CAPN1: variants seen among roughly 807,000 people sequenced by gnomAD.
The protein encoded by CAPN1 is calpain 1, also known as calpain-1 catalytic subunit.
Under a neutral mutation model 105.2 loss-of-function variants are expected in CAPN1, and 77 were observed. The observed-to-expected ratio is 0.73, with a 90% CI of 0.61 to 0.88. The LOEUF (loss-of-function observed/expected upper bound fraction) is 0.88, where lower values mean the gene tolerates loss of function less well. CAPN1 is among the 40% of genes least tolerant of loss of function. CAPN1 has a pLI of 0.00. For missense variants in CAPN1, 833 were observed against 976.6 expected, an observed-to-expected ratio of 0.85 and a Z score of 1.96; for synonymous variants, 355 against 388.8, an observed-to-expected ratio of 0.91 and a Z score of 1.02.
chr11:65,183,063 G>A, intron 2 of CAPN1, 65 bp from the exon 3 acceptor site: 1 of 1,609,374 alleles, frequency 6.2e-7, no homozygotes, highest in Non-Finnish European at 8.5e-7. Context: ...AATGGGGTCT[G>A]GGGTGGCCTG....
At position 65,210,490 on chromosome 11, in the gene CAPN1, T is replaced by A; in HGVS notation, c.2059+38T>A. The A allele has an allele frequency of 8.0e-7, 1 of 1,250,014 alleles. No individual in the cohort carries two copies. The highest frequency in any genetic ancestry group is 1.2e-6 in the Non-Finnish European group (1 of 859,020). The allele number at this position is 1,250,014 out of a possible 1,614,324, so 77.4% of individuals were successfully genotyped here. On this transcript the variant is annotated intron_variant, in intron 20 of 21. Transcript: ENST00000279247. The surrounding 1 kb of genome is among the most constrained non-coding windows in gnomAD (Gnocchi z 4.3). Reference sequence around the variant, plus strand: ...AACTGCCTCCCACCCTCCAGCTCCGTCCCAAACGCGTCCCCCAGGAGCTGG... The same window carrying A: ...AACTGCCTCCCACCCTCCAGCTCCGACCCAAACGCGTCCCCCAGGAGCTGG...
chr11:65,195,854 C>G (rs1948786598), intron 10 of CAPN1, among the ~76,000 whole-genome samples: 1 of 152,086 alleles, frequency 6.6e-6, no homozygotes, highest in South Asian at 2.1e-4. Context: ...CCATCTGGTC[C>G]TGGACATTTC....
chr11:65,186,411 C>A, intron 6 of CAPN1, 73 bp downstream of exon 6: 1 of 1,375,392 alleles, frequency 7.3e-7, no homozygotes, highest in Non-Finnish European at 9.9e-7. Flanking sequence ...TTTCTAAAAT[C>A]CCCACCCAGG....
chr11:65,203,206 T>TTTG (rs1948897990), intron 10 of CAPN1, among the ~76,000 whole-genome samples: 2 of 152,206 alleles, frequency 1.3e-5, no homozygotes, highest in African/African-American at 4.8e-5. Flanking sequence ...CTCTTTTTTT[T>TTTG]TTTAAATGGA....
chr11:65,205,692 CCT>C lies in CAPN1; in HGVS notation c.1342-17_1342-16del. 13 of 1,613,470 alleles carry C rather than the reference CCT, an allele frequency of 8.1e-6. No individual in the cohort carries two copies. Among genetic ancestry groups the C allele is most frequent in the Non-Finnish European group, 1.1e-5 (13 of 1,179,472 alleles). On this transcript the variant is annotated splice_polypyrimidine_tract_variant and intron_variant, in intron 11 of 21. Coordinates refer to ENST00000279247, the MANE Select transcript of CAPN1 (RefSeq NM_005186.4). Reference sequence around the variant, plus strand: ...GGACAAACACACATCTCTGACTTCCCCTGTCTCTCTATTGCAGGTCCCTCCGG... The same window carrying C: ...GGACAAACACACATCTCTGACTTCCCGTCTCTCTATTGCAGGTCCCTCCGG...
Position 65,211,457 on chromosome 11 carries a change from G to A in CAPN1, c.*171G>A, listed in dbSNP as rs973829492. 4.0e-5 allele frequency: 27 copies of A among 674,434 alleles called. No homozygotes were observed. The highest frequency in any genetic ancestry group is 8.5e-5 in the South Asian group (5 of 58,914). The allele number at this position is 674,434 out of a possible 1,614,324, so 41.8% of individuals were successfully genotyped here. Reference sequence around the variant, plus strand: ...CCAGCCACCATCGTTCATCTGCTCCGGGCAGAACTGTGTGGCCCCTGCCTG... The same window carrying A: ...CCAGCCACCATCGTTCATCTGCTCCAGGCAGAACTGTGTGGCCCCTGCCTG... On this transcript the variant is annotated 3_prime_UTR_variant, in exon 22 of 22. Coordinates refer to ENST00000279247, the MANE Select transcript of CAPN1 (RefSeq NM_005186.4).
chr11:65,208,575 C>T lies in CAPN1; in HGVS notation c.1729+313C>T. The T allele has an allele frequency of 2.2e-6, 1 of 463,590 alleles. No homozygotes were observed. Among genetic ancestry groups the T allele is most frequent in the Non-Finnish European group, 4.0e-6 (1 of 250,252 alleles). The allele number at this position is 463,590 out of a possible 1,614,324, so 28.7% of individuals were successfully genotyped here. A position where few individuals can be genotyped will look rare whatever the true frequency, so the allele number is the denominator to read the frequency against. ...CAGGAGTCGCTTCAGCCCAGGAGTT[C>T]AACACCAGCCTGGACAATATGGAGA... On this transcript the variant is annotated intron_variant, in intron 16 of 21. Coordinates refer to ENST00000279247, the MANE Select transcript of CAPN1 (RefSeq NM_005186.4). This position sits in a 1 kb window ranked among gnomAD's most constrained non-coding sequence, Gnocchi z 4.1.
At chr11:65,184,585 G>A (rs989431752) in intron 4 of CAPN1, among the ~76,000 whole-genome samples, 19 of 152,088 alleles carry the variant, frequency 1.2e-4, no homozygotes, top group Non-Finnish European at 1.0e-4. Flanking sequence ...GGGAAACGTG[G>A]CCTTTGTGGC....
chr11:65,182,837 C>A lies in CAPN1; in HGVS notation c.136C>A (p.Arg46=). ...CCTGGGCCAGGATTATGAGCAGCTG[C>A]GGGTGCGATGCCTGCAGAGTGGGAC... ...KYLGQDYEQL[R]VRCLQSGTLF... The change falls in exon 2 of 22, where the codon CGG becomes AGG. Residue 46 remains arginine (R), a synonymous_variant. Transcript: ENST00000279247. 6.3e-7 allele frequency: 1 copy of A among 1,597,228 alleles called. No individual in the cohort carries two copies. Among genetic ancestry groups the A allele is most frequent in the Non-Finnish European group, 8.5e-7 (1 of 1,172,344 alleles).
At position 65,209,972 on chromosome 11, in the gene CAPN1, G is replaced by A. The variant is rs1949020383; in HGVS notation, c.1864-46G>A. The stretch of plus-strand genomic sequence containing the variant: ...CAGGTGCGGGCCGGGCAGGTGGGAA[G>A]GGCCGGGTGACTCAGCCTGGCCCTC... On this transcript the variant is annotated intron_variant, in intron 18 of 21. Coordinates refer to ENST00000279247, the MANE Select transcript of CAPN1 (RefSeq NM_005186.4). The surrounding 1 kb of genome is among the most constrained non-coding windows in gnomAD (Gnocchi z 4.1). 1 of 1,612,016 alleles carries A rather than the reference G, an allele frequency of 6.2e-7. No individual in the cohort carries two copies. The highest frequency in any genetic ancestry group is 1.3e-5 in the African/African-American group (1 of 74,878).
In CAPN1 at chr11:65,183,191, G is replaced by A. The variant is rs1188165139; in HGVS notation, c.331G>A (p.Ala111Thr). The change falls in exon 3 of 22, where the codon GCA becomes ACA. Residue 111 changes from alanine (A) to threonine (T), a missense_variant. By Grantham distance (58) the Ala-to-Thr change is moderately conservative. Transcript: ENST00000279247. ...TACCCGCACAGACATCTGCCAGGGA[G>A]CACTGGGTAGGCCCCCAGGGCGTCG... ...GATRTDICQG[A>T]LGDCWLLAAI... is the part of the protein sequence containing the mutation. The A allele has an allele frequency of 6.2e-7, 1 of 1,613,930 alleles. No homozygotes were observed.
intron 14 of CAPN1, among the ~76,000 whole-genome samples, chr11:65,207,345 G>A (rs867231208): frequency 2.6e-5 from 4 of 151,578 alleles, no homozygotes; most frequent in African/African-American, 7.3e-5. Flanking sequence ...GATTACAGGC[G>A]CACGTTACCA....
intron 4 of CAPN1, 166 bp from the exon 5 acceptor site, chr11:65,185,751 C>G (rs922736560): frequency 1.6e-6 from 1 of 644,012 alleles, no homozygotes; most frequent in Non-Finnish European, 2.6e-6. Context: ...TCTGGTATAC[C>G]TGACCTAGTA....
At position 65,208,220 on chromosome 11, in the gene CAPN1, G is replaced by C. The variant is rs367715816; in HGVS notation, c.1687G>C (p.Val563Leu). 6.3e-7 allele frequency: 1 copy of C among 1,579,320 alleles called. No homozygotes were observed. Among genetic ancestry groups the C allele is most frequent in the Admixed American group, 1.8e-5 (1 of 54,478 alleles). ...CTCTCCCCAGGACATGGAGATCAGC[G>C]TGAAGGAGTTGCGGACAATCCTCAA... ...QLAGEDMEIS[V>L]KELRTILNRI... The change falls in exon 16 of 22, where the codon GTG becomes CTG. Residue 563 changes from valine to leucine, a missense_variant. Val to Leu is a conservative substitution (Grantham distance 32, BLOSUM62 1). Transcript: ENST00000279247. The surrounding 1 kb of genome is among the most constrained non-coding windows in gnomAD (Gnocchi z 4.1).
At position 65,188,102 on chromosome 11, in the gene CAPN1, C is replaced by A; in HGVS notation, c.929+62C>A. 8.7e-7 allele frequency: 1 copy of A among 1,150,394 alleles called. No individual in the cohort carries two copies. The highest frequency in any genetic ancestry group is 1.2e-6 in the Non-Finnish European group (1 of 805,714). The allele number at this position is 1,150,394 out of a possible 1,614,324, so 71.3% of individuals were successfully genotyped here. ...GAAACTGTTAGGTGCCCCGACATTT[C>A]TGCTCGGGACTCTACCAGGCCAGGC... On this transcript the variant is annotated intron_variant, in intron 8 of 21. Transcript: ENST00000279247. The surrounding 1 kb of genome is among the most constrained non-coding windows in gnomAD (Gnocchi z 5.5).
intron 14 of CAPN1, 111 bp downstream of exon 14, chr11:65,206,930 C>T: frequency 9.9e-7 from 1 of 1,013,342 alleles, no homozygotes; most frequent in South Asian, 1.5e-5. Context: ...GGGAAGATCC[C>T]CTCCTGGTGG....
At position 65,188,322 on chromosome 11, in the gene CAPN1, CG is replaced by C. The variant is rs1391229521; in HGVS notation, c.930-87del. 3.4e-6 allele frequency: 4 copies of C among 1,192,966 alleles called. No homozygotes were observed. The highest frequency in any genetic ancestry group is 3.6e-6 in the Non-Finnish European group (3 of 835,050). 73.9% of individuals were successfully genotyped at this position (1,192,966 alleles called of 1,614,324 possible). On this transcript the variant is annotated intron_variant, in intron 8 of 21. Coordinates refer to ENST00000279247, the MANE Select transcript of CAPN1 (RefSeq NM_005186.4). This position sits in a 1 kb window ranked among gnomAD's most constrained non-coding sequence, Gnocchi z 5.5. ...CTTGAGGAGGCCACCTGGGCTGGGCCGGGGGAAGACAGGCCAGGGTAGACAG... is the reference window on the plus strand; with the variant it reads ...CTTGAGGAGGCCACCTGGGCTGGGCCGGGGAAGACAGGCCAGGGTAGACAG...
intron 10 of CAPN1, among the ~76,000 whole-genome samples, chr11:65,189,862 G>A (rs1490960308): frequency 2.6e-5 from 4 of 152,022 alleles, no homozygotes; most frequent in Admixed American, 6.6e-5. Context: ...CTCTCACCTC[G>A]ATATCTCCCC....
intron 3 of CAPN1, 120 bp downstream of exon 3, chr11:65,183,317 C>T (rs1948575111): frequency 4.3e-6 from 5 of 1,176,432 alleles, no homozygotes; most frequent in Admixed American, 3.5e-5. Flanking sequence ...TGGCTATCAG[C>T]GCTGGGGCTG....
Sources: gnomAD v4.1 joint callset for allele counts (sites outside exome capture counted in the v4.1 genomes callset) on GRCh38, gnomAD v4.1.1 for gene constraint, Gnocchi (gnomAD v3.1) non-coding constraint, MANE v1.5 for transcripts, NCBI Gene and HGNC (gene_info 2026-07-23, HGNC 2026-07-21) for gene names.